The following PCM1 variants were observed in gnomAD, a reference collection of about 807,000 sequenced individuals.
The protein encoded by PCM1 is pericentriolar material 1 protein.
In PCM1, 157 loss-of-function variants were observed where a neutral mutation model predicts 241.9. The observed-to-expected ratio is 0.65, with a 90% CI of 0.57 to 0.74. The LOEUF (loss-of-function observed/expected upper bound fraction) is 0.74, where lower values mean the gene tolerates loss of function less well. Among genes scored for constraint, PCM1 ranks in the 30% least tolerant of loss-of-function variants. The probability of loss-of-function intolerance (pLI) is 0.00; values close to 1 mark genes in which losing one functional copy is unlikely to be tolerated. For missense variants in PCM1, 3,478 were observed against 2,360.1 expected, an observed-to-expected ratio of 1.47 and a Z score of -9.81; for synonymous variants, 1,085 against 784.9, an observed-to-expected ratio of 1.38 and a Z score of -6.39.
intron 23 of PCM1, 142 bp from the exon 24 acceptor site, chr8:17,980,449 T>C: frequency 1.8e-6 from 1 of 567,506 alleles, no homozygotes; most frequent in Non-Finnish European, 3.0e-6. Flanking sequence ...CCAAGACATA[T>C]TTACTGTTTT....
In PCM1 at chr8:17,932,506, C is replaced by G. The variant is rs577785160; in HGVS notation, c.-22-3083C>G. Among the ~76,000 whole-genome samples the G allele has an allele frequency of 3.3e-5, 5 of 151,822 alleles. 1 individual carries two copies. The highest frequency in any genetic ancestry group is 1.2e-4 in the African/African-American group (5 of 41,448). ...TTTCTTATTTTAATTTGCAGCTGGACTTTATATATTCGTATTTTTTTTTGC... is the reference window on the plus strand; with the variant it reads ...TTTCTTATTTTAATTTGCAGCTGGAGTTTATATATTCGTATTTTTTTTTGC... On this transcript the variant is annotated intron_variant, in intron 2 of 38. Coordinates refer to ENST00000325083, the MANE Select transcript of PCM1 (RefSeq NM_006197.4).
Position 17,950,714 on chromosome 8 carries a change from G to C in PCM1, c.1061G>C (p.Arg354Pro), listed in dbSNP as rs571724658. Residue 354 changes from arginine (R) to proline (P), a missense_variant, in exon 8 of 39, where the codon CGT (arginine) becomes CCT (proline). Coordinates refer to ENST00000325083, the MANE Select transcript of PCM1 (RefSeq NM_006197.4). ...DLIQRFHNQL[R>P]DSQPPAVPDN... The stretch of plus-strand genomic sequence containing the variant: ...ATTCAGCGTTTTCATAATCAGCTTC[G>C]TGATTCTCAGGTAACCTAGATGTTT... The C allele has an allele frequency of 7.0e-5, 109 of 1,558,244 alleles. 1 individual carries two copies. The highest frequency in any genetic ancestry group is 1.6e-4 in the South Asian group (14 of 87,000).
chr8:17,947,125 A>C, intron 6 of PCM1, 61 bp from the exon 7 acceptor site: 1 of 1,083,508 alleles, frequency 9.2e-7, no homozygotes, highest in Non-Finnish European at 1.3e-6. Flanking sequence ...GCCATTGATA[A>C]TTGAAACCGC....
intron 21 of PCM1, 107 bp downstream of exon 21, chr8:17,967,277 G>T: frequency 1.4e-6 from 1 of 732,378 alleles, no homozygotes; most frequent in Non-Finnish European, 2.2e-6. Flanking sequence ...AGTGGGGTAG[G>T]AAATGTTTGC....
chr8:18,002,985 A>G (rs1173312630), intron 29 of PCM1, among the ~76,000 whole-genome samples: 1 of 152,164 alleles, frequency 6.6e-6, no homozygotes, highest in Non-Finnish European at 1.5e-5. Context: ...TCTGCCTGGA[A>G]TGCTCTTCCT....
Position 18,014,009 on chromosome 8 carries a change from C to T in PCM1, c.5557C>T (p.Pro1853Ser), listed in dbSNP as rs186850655. ...AAAGACAGCAGAAAGCAAAAATGTC[C>T]CATTGGAACGAGAAGCCACTAGTAA... Reference protein sequence around the residue: ...FKKTAESKNVPLEREATSKND... With the variant: ...FKKTAESKNVSLEREATSKND... Residue 1853 changes from proline (P) to serine (S), a missense_variant, in exon 35 of 39, where the codon CCA becomes TCA. Pro to Ser is a moderately conservative substitution (Grantham distance 74). Transcript: ENST00000325083. 19 of 1,601,390 alleles carry T rather than the reference C, an allele frequency of 1.2e-5. No homozygotes were observed. In the African/African-American group the frequency reaches 2.2e-4, roughly 18 times the overall value.
At chr8:17,945,829 C>G (rs2063591921) in intron 6 of PCM1, among the ~76,000 whole-genome samples, 1 of 152,074 alleles carries the variant, frequency 6.6e-6, no homozygotes, top group Non-Finnish European at 1.5e-5. Flanking sequence ...TCTTTGCTCT[C>G]TTTAGTCATT....
chr8:18,025,672 A>G lies in PCM1; in HGVS notation c.6049+14A>G, dbSNP rs199818753. ...TAAAAGAACCTGGTAAGAGTTATCA[A>G]TTTAAATCTTGCCATATTGAAAAAT... is the stretch of plus-strand genomic sequence containing the variant. On this transcript the variant is annotated intron_variant, in intron 38 of 38. Transcript: ENST00000325083. The G allele has an allele frequency of 3.5e-5, 48 of 1,377,438 alleles. No homozygotes were observed. The East Asian group carries it at 4.4e-4, about 13-fold the overall frequency. 85.3% of individuals were successfully genotyped at this position (1,377,438 alleles called of 1,614,324 possible).
intron 21 of PCM1, chr8:17,969,279 A>G (rs895043021): frequency 7.2e-5 from 17 of 235,706 alleles, no homozygotes; most frequent in African/African-American, 2.8e-4. Flanking sequence ...ACCAAGTAAC[A>G]TGTAAAGTGC....
At chr8:17,970,865 C>G (rs1465484478) in intron 22 of PCM1, among the ~76,000 whole-genome samples, 1 of 152,134 alleles carries the variant, frequency 6.6e-6, no homozygotes, top group Admixed American at 6.5e-5. Context: ...TTCCCAAAAT[C>G]TCAACTATTG....
At chr8:18,023,169 A>C (rs2093895091) in intron 36 of PCM1, among the ~76,000 whole-genome samples, 1 of 152,066 alleles carries the variant, frequency 6.6e-6, no homozygotes, top group South Asian at 2.1e-4. Context: ...AAAATATATA[A>C]ATGTTTTCAC....
intron 1 of PCM1, among the ~76,000 whole-genome samples, chr8:17,923,965 T>TC (rs977722050): frequency 2.6e-5 from 4 of 151,680 alleles, no homozygotes; most frequent in African/African-American, 7.3e-5. Context: ...CTCAGCCTAC[T>TC]CCCCAGGAAC....
chr8:18,005,482 G>C (rs545296742), intron 29 of PCM1, among the ~76,000 whole-genome samples: 5 of 151,870 alleles, frequency 3.3e-5, no homozygotes, highest in Admixed American at 6.6e-5. Flanking sequence ...TGGTGGGGGG[G>C]ACTGAACTGA....
chr8:18,027,139 T>G (rs2094291197), intron 38 of PCM1, among the ~76,000 whole-genome samples: 1 of 152,190 alleles, frequency 6.6e-6, no homozygotes, highest in Non-Finnish European at 1.5e-5. Context: ...GAAATGGAGT[T>G]GAGGAGAAGG....
chr8:17,994,470 T>C (rs1200477479), intron 29 of PCM1, among the ~76,000 whole-genome samples: 1 of 152,244 alleles, frequency 6.6e-6, no homozygotes, highest in African/African-American at 2.4e-5. Flanking sequence ...ATCTTGGTTG[T>C]TGTGAACAGT....
chr8:18,014,479 A>AATATCTTGATTGCTCTTAT, intron 35 of PCM1, 105 bp from the exon 36 acceptor site: 2 of 885,970 alleles, frequency 2.3e-6, no homozygotes, highest in South Asian at 3.7e-5. Context: ...TTTGGTCTTA[A>AATATCTTGATTGCTCTTAT]ATATCTTGAT....
At chr8:18,018,234 A>C (rs770309767) in intron 36 of PCM1, among the ~76,000 whole-genome samples, 19 of 152,270 alleles carry the variant, frequency 1.2e-4, no homozygotes, top group Middle Eastern at 3.4e-3. Flanking sequence ...GAGCTTCCTG[A>C]CCCTTCTAAA....
chr8:17,934,405 G>T (rs1411756364), intron 2 of PCM1, among the ~76,000 whole-genome samples: 3 of 151,976 alleles, frequency 2.0e-5, no homozygotes, highest in Non-Finnish European at 4.4e-5. Flanking sequence ...GGGATTACAG[G>T]CACCTGCCAC....
At chr8:17,961,492 T>C (rs1407306517) in intron 15 of PCM1, among the ~76,000 whole-genome samples, 1 of 151,990 alleles carries the variant, frequency 6.6e-6, no homozygotes, top group African/African-American at 2.4e-5. Context: ...TTTGTATTTT[T>C]AGTAGAGACG....
Sources: gnomAD v4.1 joint callset for allele counts (sites outside exome capture counted in the v4.1 genomes callset) on GRCh38, gnomAD v4.1.1 for gene constraint, MANE v1.5 for transcripts, NCBI Gene and HGNC (gene_info 2026-07-23, HGNC 2026-07-21) for gene names.